The following MYO16 variants were observed in gnomAD, a reference collection of about 807,000 sequenced individuals.
MYO16 encodes the protein myosin XVI, also known as unconventional myosin-XVI.
MYO16 carries 94 observed loss-of-function variants against 205.3 expected under a neutral mutation model. The observed-to-expected ratio is 0.46, with a 90% CI of 0.39 to 0.54. The LOEUF is 0.54. MYO16 is among the 20% of genes least tolerant of loss of function. The pLI is 0.00. For synonymous variants in MYO16, 988 were observed against 954.0 expected (o/e 1.04, Z -0.66); for missense variants, 2,315 against 2,387.5 (o/e 0.97, Z 0.63).
At chr13:108,940,140 T>G (rs1460714214) in intron 16 of MYO16, among the ~76,000 whole-genome samples, 1 of 152,078 alleles carries the variant, frequency 6.6e-6, no homozygotes, top group Admixed American at 6.6e-5. Flanking sequence ...AAATAAAAAT[T>G]TAAAGACACC....
Position 109,141,240 on chromosome 13 carries a change from C to G in MYO16, c.5028C>G (p.Ala1676=), listed in dbSNP as rs762907318. The change falls in exon 32 of 35, where the codon GCC becomes GCG. Residue 1676 remains alanine (A), a synonymous_variant. Coordinates refer to ENST00000457511, the MANE Select transcript of MYO16 (RefSeq NM_001198950.3). This position sits in a 1 kb window ranked among gnomAD's most constrained non-coding sequence, Gnocchi z 4.1. ...ACGCCAGGAAGGCCGGCTCCAGTGC[C>G]TCGCCCCCCGCGCCCTACAGCCCTC... The part of the protein sequence containing the change: ...RADARKAGSS[A]SPPAPYSPPS... 1 of 1,605,698 alleles carries G rather than the reference C, an allele frequency of 6.2e-7. No homozygotes were observed. The highest frequency in any genetic ancestry group is 2.3e-5 in the East Asian group (1 of 43,716).
intron 2 of MYO16, among the ~76,000 whole-genome samples, chr13:108,668,603 C>T (rs1401436324): frequency 6.6e-6 from 1 of 152,188 alleles, no homozygotes; most frequent in Admixed American, 6.5e-5. Context: ...TCAGAGCCCC[C>T]TCCTCCGTCT....
the MYO16 span, among the ~76,000 whole-genome samples, chr13:108,518,959 A>T: frequency 6.6e-6 from 1 of 152,216 alleles, no homozygotes; most frequent in African/African-American, 2.4e-5. Flanking sequence ...ATGCCAAAGG[A>T]TGCACATAAA....
the MYO16 span, among the ~76,000 whole-genome samples, chr13:108,525,580 T>G: frequency 7.9e-5 from 12 of 152,156 alleles, no homozygotes; most frequent in Non-Finnish European, 1.8e-4. Context: ...ATCGTTACAA[T>G]GTTTAGGGGG....
At chr13:108,563,243 G>A in the MYO16 span, among the ~76,000 whole-genome samples, 1 of 151,870 alleles carries the variant, frequency 6.6e-6, no homozygotes, top group Non-Finnish European at 1.5e-5. Flanking sequence ...TATTTATGGG[G>A]TTTTGATACA....
At chr13:108,774,469 G>A (rs1455551408) in intron 4 of MYO16, among the ~76,000 whole-genome samples, 1 of 152,210 alleles carries the variant, frequency 6.6e-6, no homozygotes, top group African/African-American at 2.4e-5. Context: ...TTCAGCTGCA[G>A]AAAGTATTTG....
At chr13:109,071,082 C>A (rs1488101187) in intron 27 of MYO16, among the ~76,000 whole-genome samples, 2 of 152,032 alleles carry the variant, frequency 1.3e-5, no homozygotes, top group Admixed American at 1.3e-4. Context: ...TAAAGATGTC[C>A]ATTTTTATCA....
intron 4 of MYO16, among the ~76,000 whole-genome samples, chr13:108,770,583 A>T (rs17391365): frequency 0.079 from 12,066 of 152,188 alleles, 614 homozygotes; most frequent in Non-Finnish European, 0.12. Flanking sequence ...TCCAGTTCAT[A>T]TCTTAAAGCT....
At chr13:108,818,788 T>C (rs1471072896) in intron 7 of MYO16, among the ~76,000 whole-genome samples, 3 of 152,156 alleles carry the variant, frequency 2.0e-5, no homozygotes, top group Non-Finnish European at 4.4e-5. Flanking sequence ...TTTGGAAACT[T>C]AGGCAAAACT....
intron 11 of MYO16, among the ~76,000 whole-genome samples, chr13:108,857,463 G>C (rs755689633): frequency 2.0e-4 from 30 of 152,196 alleles, no homozygotes; most frequent in Admixed American, 3.3e-4. Flanking sequence ...ATATGCAGAA[G>C]AGGAGGGTGT....
At chr13:108,927,265 G>A (rs1321141223) in intron 16 of MYO16, among the ~76,000 whole-genome samples, 4 of 152,158 alleles carry the variant, frequency 2.6e-5, no homozygotes, top group African/African-American at 9.7e-5. Flanking sequence ...TGCATTTTCG[G>A]CATTTAGAAT....
At position 108,629,786 on chromosome 13, in the gene MYO16, C is replaced by T. The variant is rs1378841114; in HGVS notation, c.-59C>T. The stretch of plus-strand genomic sequence containing the variant: ...TAAGTAATGCATTTCCTGGGAACGA[C>T]AGTTGTGACAGAAGAGAATGCTGGA... On this transcript the variant is annotated 5_prime_UTR_variant, in exon 1 of 35. Transcript: ENST00000457511. The T allele has an allele frequency of 8.8e-6, 13 of 1,480,356 alleles. No homozygotes were observed. Among genetic ancestry groups the T allele is most frequent in the Non-Finnish European group, 1.2e-5 (13 of 1,099,250 alleles). The allele number at this position is 1,480,356 out of a possible 1,614,324, so 91.7% of individuals were successfully genotyped here.
intron 27 of MYO16, among the ~76,000 whole-genome samples, chr13:109,077,031 G>A (rs185329868): frequency 1.7e-4 from 24 of 142,014 alleles, no homozygotes; most frequent in Admixed American, 1.3e-3. Flanking sequence ...TCGCTCTGTC[G>A]CCCAGGCTGA....
intron 2 of MYO16, among the ~76,000 whole-genome samples, chr13:108,710,200 T>A (rs537693753): frequency 1.3e-5 from 2 of 152,188 alleles, no homozygotes; most frequent in Non-Finnish European, 2.9e-5. Flanking sequence ...GAGTTGGTTG[T>A]GAAACAGTTA....
At chr13:108,908,541 T>G (rs1489432625) in intron 15 of MYO16, among the ~76,000 whole-genome samples, 1 of 152,210 alleles carries the variant, frequency 6.6e-6, no homozygotes, top group Non-Finnish European at 1.5e-5. Flanking sequence ...TTTTTTAAAG[T>G]TCAAATGTAT....
intron 20 of MYO16, among the ~76,000 whole-genome samples, chr13:108,990,133 C>T (rs961772938): frequency 1.4e-5 from 2 of 142,660 alleles, no homozygotes; most frequent in Admixed American, 7.5e-5. Context: ...TGATGCAGCT[C>T]ATCACACAGA....
chr13:108,602,039 TG>T (rs1168423547), intron 1 of MYO16, among the ~76,000 whole-genome samples: 1 of 149,308 alleles, frequency 6.7e-6, no homozygotes, highest in Non-Finnish European at 1.5e-5. Context: ...ATGAGATTAG[TG>T]CCCTTATAAG....
the MYO16 span, among the ~76,000 whole-genome samples, chr13:108,577,209 A>T: frequency 1.3e-5 from 2 of 152,216 alleles, no homozygotes; most frequent in Non-Finnish European, 2.9e-5. Flanking sequence ...AAAATGAATG[A>T]GAAATGCCAC....
intron 16 of MYO16, among the ~76,000 whole-genome samples, chr13:108,946,872 G>T (rs1471757804): frequency 2.0e-5 from 3 of 152,046 alleles, no homozygotes; most frequent in Non-Finnish European, 4.4e-5. Context: ...CTCCCAAATA[G>T]CAGGGACTAC....
Sources: allele counts gnomAD v4.1 joint callset (sites outside exome capture counted in the v4.1 genomes callset), GRCh38; gene constraint gnomAD v4.1.1; non-coding constraint Gnocchi (gnomAD v3.1); transcripts MANE v1.5; gene names NCBI Gene and HGNC (gene_info 2026-07-23, HGNC 2026-07-21).